The following DNAAF11 variants were observed in gnomAD, a reference collection of about 807,000 sequenced individuals.
DNAAF11 encodes leucine rich repeat containing 6.
Under a neutral mutation model 60.8 loss-of-function variants are expected in DNAAF11, and 45 were observed. The observed-to-expected ratio is 0.74, with a 90% CI of 0.58 to 0.95. The LOEUF is 0.95. Ranked by LOEUF, DNAAF11 falls within the 40% of genes least tolerant of loss-of-function variation. The pLI, the probability that DNAAF11 is intolerant of heterozygous loss-of-function variation, is 0.00. For missense variants in DNAAF11, 546 were observed against 546.2 expected (o/e 1.00, Z 0.00); for synonymous variants, 191 against 183.5 (o/e 1.04, Z -0.33).
At chr8:132,690,963 G>T in the DNAAF11 span, among the ~76,000 whole-genome samples, 1 of 152,118 alleles carries the variant, frequency 6.6e-6, no homozygotes, top group African/African-American at 2.4e-5. Flanking sequence ...AGTAGTATTT[G>T]TCAGATTTCT....
intron 7 of DNAAF11, among the ~76,000 whole-genome samples, chr8:132,619,624 C>A (rs1819554241): frequency 1.3e-5 from 2 of 152,120 alleles, no homozygotes; most frequent in Non-Finnish European, 2.9e-5. Flanking sequence ...AAGTTAGAAA[C>A]TGGAGACCAA....
At chr8:132,628,136 G>A (rs1216296629) in intron 5 of DNAAF11, among the ~76,000 whole-genome samples, 1 of 152,124 alleles carries the variant, frequency 6.6e-6, no homozygotes, top group African/African-American at 2.4e-5. Context: ...AAATCTGGCT[G>A]GGTGGGGTGG....
intron 1 of DNAAF11, among the ~76,000 whole-genome samples, chr8:132,671,226 T>G (rs939404651): frequency 7.2e-5 from 11 of 152,154 alleles, no homozygotes; most frequent in Non-Finnish European, 1.3e-4. Flanking sequence ...TTGAAAAGAT[T>G]GCAGAATATA....
the DNAAF11 span, among the ~76,000 whole-genome samples, chr8:132,689,066 A>ACAACAGAACCTC: frequency 2.6e-5 from 4 of 152,180 alleles, no homozygotes; most frequent in Non-Finnish European, 4.4e-5. Flanking sequence ...TGTATAGGCT[A>ACAACAGAACCTC]CTAGGAGGTA....
intron 10 of DNAAF11, among the ~76,000 whole-genome samples, chr8:132,593,026 G>A (rs1380431401): frequency 6.6e-6 from 1 of 151,928 alleles, no homozygotes; most frequent in Non-Finnish European, 1.5e-5. Context: ...GGGTAAGAAT[G>A]AGGAGAGTTC....
At chr8:132,585,745 T>C (rs1012357005) in intron 10 of DNAAF11, among the ~76,000 whole-genome samples, 3 of 152,228 alleles carry the variant, frequency 2.0e-5, no homozygotes, top group Non-Finnish European at 4.4e-5. Flanking sequence ...AAACATGGTT[T>C]ATTTTGGAGT....
At chr8:132,661,662 C>A (rs780521284) in intron 1 of DNAAF11, 35 bp from the exon 2 acceptor site, 1 of 1,585,212 alleles carries the variant, frequency 6.3e-7, no homozygotes, top group East Asian at 2.2e-5. Flanking sequence ...ACATTTCTGT[C>A]CCCATTGTTC....
chr8:132,661,565 C>A lies in DNAAF11; in HGVS notation c.73G>T (p.Glu25Ter). ...HNDCVIFSLE[E>*]LSLHQQEIER... is the part of the protein sequence containing the mutation. ...ATTTCTTGCTGATGCAACGAGAGTT[C>A]CTCCAGGGAAAAAATGACACAGTCG... Residue 25 changes from glutamate (E) to a stop codon, truncating the protein, a stop_gained, in exon 2 of 12, where the codon GAA becomes TAA. Coordinates refer to ENST00000620350, the MANE Select transcript of DNAAF11 (RefSeq NM_012472.6). LOFTEE classifies it high-confidence loss of function. 3 of 1,613,978 alleles carry A rather than the reference C, an allele frequency of 1.9e-6. No individual in the cohort carries two copies. The highest frequency in any genetic ancestry group is 2.5e-6 in the Non-Finnish European group (3 of 1,179,922).
At chr8:132,593,427 A>T (rs1816688214) in intron 10 of DNAAF11, among the ~76,000 whole-genome samples, 1 of 147,644 alleles carries the variant, frequency 6.8e-6, no homozygotes, top group Non-Finnish European at 1.5e-5. Context: ...GACAAATCTT[A>T]GAACACCCAT....
chr8:132,582,610 C>G (rs774176678), intron 11 of DNAAF11, among the ~76,000 whole-genome samples: 1 of 152,160 alleles, frequency 6.6e-6, no homozygotes, highest in Non-Finnish European at 1.5e-5. Flanking sequence ...AGGTTAAAAA[C>G]AGCAACCCAT....
chr8:132,596,311 A>G (rs1396224038), intron 10 of DNAAF11, among the ~76,000 whole-genome samples: 1 of 152,202 alleles, frequency 6.6e-6, no homozygotes, highest in Non-Finnish European at 1.5e-5. Flanking sequence ...CAGTTACATA[A>G]GGCAGTTATG....
At chr8:132,575,997 T>C (rs992523029) in intron 11 of DNAAF11, among the ~76,000 whole-genome samples, 1 of 152,222 alleles carries the variant, frequency 6.6e-6, no homozygotes, top group African/African-American at 2.4e-5. Context: ...TCTTGGGAAC[T>C]GGGGTACCTC....
At chr8:132,679,697 G>A (rs1825838110), upstream of DNAAF11, among the ~76,000 whole-genome samples, 2 of 152,102 alleles carry the variant, frequency 1.3e-5, no homozygotes, top group African/African-American at 4.8e-5. Context: ...TTCCCTTTCT[G>A]TTCTCGTGAT....
At chr8:132,691,577 G>A in the DNAAF11 span, among the ~76,000 whole-genome samples, 2 of 152,218 alleles carry the variant, frequency 1.3e-5, no homozygotes, top group African/African-American at 4.8e-5. Flanking sequence ...AGTTCTGCAT[G>A]GCTGGGGAGG....
the DNAAF11 span, among the ~76,000 whole-genome samples, chr8:132,698,401 C>G: frequency 6.6e-6 from 1 of 152,244 alleles, no homozygotes; most frequent in South Asian, 2.1e-4. Flanking sequence ...AGCTGCTTCT[C>G]AGGGGCAACT....
chr8:132,692,729 G>A, the DNAAF11 span, among the ~76,000 whole-genome samples: 1 of 152,126 alleles, frequency 6.6e-6, no homozygotes, highest in African/African-American at 2.4e-5. Flanking sequence ...CCAATTCCCA[G>A]CTACCTATGT....
chr8:132,675,342 G>C (rs1161161388), intron 1 of DNAAF11, 142 bp downstream of exon 1: 3 of 835,166 alleles, frequency 3.6e-6, no homozygotes, highest in Non-Finnish European at 5.5e-6. Context: ...GCTGCGGTGC[G>C]GAGGGCCGGG....
intron 1 of DNAAF11, 110 bp downstream of exon 1, chr8:132,675,374 C>A (rs904947635): frequency 7.9e-7 from 1 of 1,268,866 alleles, no homozygotes; most frequent in Non-Finnish European, 1.1e-6. Flanking sequence ...TCCGCCCAGG[C>A]GCGGGGGAAC....
chr8:132,660,854 C>A (rs192880501), intron 2 of DNAAF11, among the ~76,000 whole-genome samples: 1 of 152,282 alleles, frequency 6.6e-6, no homozygotes, highest in East Asian at 1.9e-4. Flanking sequence ...TAGGTTAATT[C>A]TGAGGGCAAT....
Sources: gnomAD v4.1 joint callset for allele counts (sites outside exome capture counted in the v4.1 genomes callset) on GRCh38, gnomAD v4.1.1 for gene constraint, MANE v1.5 for transcripts, NCBI Gene and HGNC (gene_info 2026-07-23, HGNC 2026-07-21) for gene names.